Variants in ITIH5 observed in about 807,000 individuals in gnomAD.
ITIH5 encodes the protein inter-alpha-trypsin inhibitor heavy chain 5.
Under a neutral mutation model 77.5 loss-of-function variants are expected in ITIH5, and 65 were observed. That is an observed-to-expected ratio of 0.84 (90% CI 0.69 to 1.03). ITIH5 has a LOEUF of 1.03. ITIH5 is among the 50% of genes least tolerant of loss of function. ITIH5 has a pLI of 0.00. For synonymous variants in ITIH5, 525 were observed against 494.3 expected, an observed-to-expected ratio of 1.06 and a Z score of -0.82; for missense variants, 1,208 against 1,213.1, an observed-to-expected ratio of 1.00 and a Z score of 0.06.
chr10:7,559,698 C>T lies in ITIH5; in HGVS notation c.*3385G>A, dbSNP rs544260108. ...TAGCTTAAACAAAACACATTTATTTCTCACAGTTCTGGAGGCTGGGAGGTC... is the reference window on the plus strand; with the variant it reads ...TAGCTTAAACAAAACACATTTATTTTTCACAGTTCTGGAGGCTGGGAGGTC... On this transcript the variant is annotated 3_prime_UTR_variant, in exon 14 of 14. Transcript: ENST00000397146. 2.6e-6 allele frequency: 1 copy of T among 390,310 alleles called. No individual in the cohort carries two copies. The highest frequency in any genetic ancestry group is 3.2e-5 in the Admixed American group (1 of 31,710). 24.2% of individuals were successfully genotyped at this position (390,310 alleles called of 1,614,324 possible). A position where few individuals can be genotyped will look rare whatever the true frequency, so the allele number is the denominator to read the frequency against.
intron 2 of ITIH5, among the ~76,000 whole-genome samples, chr10:7,644,617 T>TATATATCATACATATCAC (rs1833957450): frequency 9.1e-6 from 1 of 110,300 alleles, no homozygotes; most frequent in African/African-American, 3.6e-5. Flanking sequence ...ATATATCACA[T>TATATATCATACATATCAC]ATATATCACA....
chr10:7,569,617 C>A (rs1165752450), intron 12 of ITIH5, 51 bp downstream of exon 12: 1 of 1,154,856 alleles, frequency 8.7e-7, no homozygotes, highest in Non-Finnish European at 1.2e-6. Flanking sequence ...GAGGGGGATG[C>A]AGTACCTACC....
chr10:7,562,013 T>G lies in ITIH5; in HGVS notation c.*1070A>C, dbSNP rs926482367. The G allele has an allele frequency of 6.6e-6, 1 of 152,222 alleles. No homozygotes were observed. The highest frequency in any genetic ancestry group is 2.4e-5 in the African/African-American group (1 of 41,442). The allele number at this position is 152,222 out of a possible 1,614,324, so 9.4% of individuals were successfully genotyped here. A position where few individuals can be genotyped will look rare whatever the true frequency, so the allele number is the denominator to read the frequency against. ...CCAAGTTTTGGAACCAAAGCCCCTG[T>G]CCACGAGCTGGTTTCCTGACTTTTT... On this transcript the variant is annotated 3_prime_UTR_variant, in exon 14 of 14. Coordinates refer to ENST00000397146, the MANE Select transcript of ITIH5 (RefSeq NM_030569.7).
At chr10:7,580,305 G>C (rs1169266827) in intron 8 of ITIH5, among the ~76,000 whole-genome samples, 5 of 152,176 alleles carry the variant, frequency 3.3e-5, no homozygotes, top group Admixed American at 3.3e-4. Context: ...ATTTTTAGTA[G>C]AGATGGGATT....
intron 5 of ITIH5, among the ~76,000 whole-genome samples, chr10:7,630,462 A>T (rs1833693581): frequency 1.3e-5 from 2 of 152,148 alleles, no homozygotes; most frequent in Admixed American, 1.3e-4. Context: ...CGAGGGTCCT[A>T]ATTTTTCCAC....
intron 12 of ITIH5, among the ~76,000 whole-genome samples, chr10:7,567,507 G>A (rs1157532124): frequency 6.9e-6 from 1 of 144,460 alleles, no homozygotes. Flanking sequence ...CCCCACGACA[G>A]GCCCTGGTAT....
intron 12 of ITIH5, among the ~76,000 whole-genome samples, chr10:7,567,485 C>A (rs1258930306): frequency 6.8e-6 from 1 of 146,106 alleles, no homozygotes; most frequent in Admixed American, 7.1e-5. Flanking sequence ...CTATCCCGCC[C>A]CCCTACCCTG....
intron 5 of ITIH5, among the ~76,000 whole-genome samples, chr10:7,623,935 A>G (rs1464624517): frequency 6.6e-6 from 1 of 152,198 alleles, no homozygotes; most frequent in African/African-American, 2.4e-5. Flanking sequence ...CATCATATAG[A>G]TATGATAGCA....
Position 7,562,936 on chromosome 10 carries a change from ACGT to A in ITIH5, c.*144_*146del. On this transcript the variant is annotated 3_prime_UTR_variant, in exon 14 of 14. Coordinates refer to ENST00000397146, the MANE Select transcript of ITIH5 (RefSeq NM_030569.7). ...CCACCCCTACCCTTCGCCCAGACAGACGTCGGATCTATGCTGCACCAGGGGTGG... is the reference window on the plus strand; with the variant it reads ...CCACCCCTACCCTTCGCCCAGACAGACGGATCTATGCTGCACCAGGGGTGG... 3.0e-6 allele frequency: 2 copies of A among 662,130 alleles called. No homozygotes were observed. The highest frequency in any genetic ancestry group is 5.5e-6 in the Non-Finnish European group (2 of 365,924). 41.0% of individuals were successfully genotyped at this position (662,130 alleles called of 1,614,324 possible).
At chr10:7,644,129 T>G (rs1833930783) in intron 2 of ITIH5, among the ~76,000 whole-genome samples, 1 of 151,992 alleles carries the variant, frequency 6.6e-6, no homozygotes, top group Non-Finnish European at 1.5e-5. Context: ...TCCTGGCTAC[T>G]CAGGTGGCTG....
chr10:7,597,933 G>C (rs188893283), intron 7 of ITIH5, among the ~76,000 whole-genome samples: 57 of 151,822 alleles, frequency 3.8e-4, no homozygotes, highest in African/African-American at 9.4e-4. Context: ...CCAGTCTTAG[G>C]AGTAAGGCAA....
At chr10:7,635,429 A>G (rs1405562231) in intron 5 of ITIH5, among the ~76,000 whole-genome samples, 2 of 152,200 alleles carry the variant, frequency 1.3e-5, no homozygotes, top group South Asian at 4.1e-4. Context: ...ACTAAAATCC[A>G]TTAACCATAC....
chr10:7,629,802 T>C (rs545981819), intron 5 of ITIH5, among the ~76,000 whole-genome samples: 51 of 152,350 alleles, frequency 3.3e-4, no homozygotes, highest in African/African-American at 1.1e-3. Context: ...AGTATTTAAG[T>C]ACCTGCTTTC....
At chr10:7,642,360 G>A (rs12769926) in intron 2 of ITIH5, among the ~76,000 whole-genome samples, 62,159 of 151,914 alleles carry the variant, frequency 0.41, 13,908 homozygotes, top group African/African-American at 0.58. Context: ...CAGTGAAGAC[G>A]TCCAATTTGG....
At chr10:7,644,115 G>T (rs911015219) in intron 2 of ITIH5, among the ~76,000 whole-genome samples, 2 of 152,056 alleles carry the variant, frequency 1.3e-5, no homozygotes, top group Admixed American at 1.3e-4. Context: ...GTGCATGACT[G>T]TAGTCCTGGC....
chr10:7,648,964 C>T (rs1181439644), intron 2 of ITIH5, among the ~76,000 whole-genome samples: 8 of 152,164 alleles, frequency 5.3e-5, no homozygotes, highest in Admixed American at 4.6e-4. Context: ...CTACAATTCT[C>T]CCAGGAGCCC....
intron 11 of ITIH5, chr10:7,572,312 T>C (rs770068934): frequency 2.9e-6 from 4 of 1,367,170 alleles, no homozygotes; most frequent in Non-Finnish European, 3.9e-6. Flanking sequence ...TTCTTTCCTC[T>C]GAATTTTTAT....
At chr10:7,640,966 G>T in intron 3 of ITIH5, 111 bp from the exon 4 acceptor site, 1 of 797,122 alleles carries the variant, frequency 1.3e-6, no homozygotes, top group Non-Finnish European at 2.2e-6. Flanking sequence ...CCTTTTGGAT[G>T]TGTAGAAAGA....
chr10:7,588,682 G>A (rs1233416550), intron 7 of ITIH5, among the ~76,000 whole-genome samples: 2 of 152,206 alleles, frequency 1.3e-5, no homozygotes, highest in African/African-American at 4.8e-5. Context: ...GGCTGAGAAA[G>A]CAATGGAGTT....
Sources: allele counts gnomAD v4.1 joint callset (sites outside exome capture counted in the v4.1 genomes callset), GRCh38; gene constraint gnomAD v4.1.1; transcripts MANE v1.5; gene names NCBI Gene and HGNC (gene_info 2026-07-23, HGNC 2026-07-21).